PTPN5: variants seen among roughly 807,000 people sequenced by gnomAD.
PTPN5 encodes tyrosine-protein phosphatase non-receptor type 5.
In PTPN5, 29 loss-of-function variants were observed where a neutral mutation model predicts 73.9. That is an observed-to-expected ratio of 0.39 (90% confidence interval 0.29 to 0.54). The LOEUF (loss-of-function observed/expected upper bound fraction) is 0.54, where lower values mean the gene tolerates loss of function less well. Ranked by LOEUF, PTPN5 falls within the 20% of genes least tolerant of loss-of-function variation. The pLI is 0.65. For missense variants in PTPN5, 652 were observed against 751.4 expected (o/e 0.87, Z 1.55); for synonymous variants, 267 against 304.7 (o/e 0.88, Z 1.29).
At chr11:18,765,426 C>T (rs1850599160) in intron 3 of PTPN5, among the ~76,000 whole-genome samples, 1 of 152,196 alleles carries the variant, frequency 6.6e-6, no homozygotes, top group East Asian at 1.9e-4. Context: ...ATCCCCCACC[C>T]CATCCTTGGC....
rs569287589 is a variant in PTPN5, at chr11:18,743,168, G to A, written c.400-93C>T. 327 of 1,229,316 alleles carry A rather than the reference G, an allele frequency of 2.7e-4. 1 individual carries two copies. In the Middle Eastern group the frequency reaches 3.9e-3, roughly 15 times the overall value. 76.2% of individuals were successfully genotyped at this position (1,229,316 alleles called of 1,614,324 possible). On this transcript the variant is annotated intron_variant, in intron 5 of 14. Transcript: ENST00000358540. ...ACAAAACCAAGATTCTGAAAATCAC[G>A]TCCCAGGTCTGGGATGGGGAGCAGG...
intron 1 of PTPN5, among the ~76,000 whole-genome samples, chr11:18,782,117 T>A (rs1420168931): frequency 6.6e-6 from 1 of 152,240 alleles, no homozygotes; most frequent in African/African-American, 2.4e-5. Flanking sequence ...GGCCATTTTT[T>A]CTCAGGGGGA....
At position 18,742,825 on chromosome 11, in the gene PTPN5, A is replaced by G. The variant is rs1849431805; in HGVS notation, c.483+167T>C. ...AGATCACTGCAAACCAATTTTCGGA[A>G]AGAAGGAGGCTCTTGCCCCAGGCTG... On this transcript the variant is annotated intron_variant, in intron 6 of 14. Transcript: ENST00000358540. This position sits in a 1 kb window ranked among gnomAD's most constrained non-coding sequence, Gnocchi z 4.1. 6.6e-6 allele frequency among the ~76,000 whole-genome samples: 1 copy of G among 152,138 alleles called. No individual in the cohort carries two copies. The highest frequency in any genetic ancestry group is 2.1e-4 in the South Asian group (1 of 4,822).
intron 3 of PTPN5, among the ~76,000 whole-genome samples, chr11:18,756,294 CTTTT>C (rs552226983): frequency 1.8e-5 from 2 of 111,024 alleles, no homozygotes; most frequent in East Asian, 5.3e-4. Flanking sequence ...ACATCCTTCA[CTTTT>C]TTTTTTTTTT....
At chr11:18,739,231 G>A (rs959898152) in intron 8 of PTPN5, among the ~76,000 whole-genome samples, 1 of 152,176 alleles carries the variant, frequency 6.6e-6, no homozygotes, top group Non-Finnish European at 1.5e-5. Flanking sequence ...CCCCAGAGTG[G>A]GTGCTCAGGC....
chr11:18,762,165 T>G (rs1255810028), intron 3 of PTPN5, among the ~76,000 whole-genome samples: 1 of 152,022 alleles, frequency 6.6e-6, no homozygotes, highest in African/African-American at 2.4e-5. Flanking sequence ...TGTCCTGTGT[T>G]GGCTCAGATC....
rs12282184 is a variant in PTPN5 at position 18,776,856 on chromosome 11, T to C, written c.-113-4785A>G. On this transcript the variant is annotated intron_variant, in intron 1 of 14. Transcript: ENST00000358540. Reference sequence around the variant, plus strand: ...GGGGTAATGTTTGAGCATTTACAAATGGCTCATTAAAAACACCATAAAGGG... The same window carrying C: ...GGGGTAATGTTTGAGCATTTACAAACGGCTCATTAAAAACACCATAAAGGG... Among the ~76,000 whole-genome samples the C allele has an allele frequency of 7.2e-3, 1,099 of 152,192 alleles. 7 individuals are homozygous for C. The highest frequency in any genetic ancestry group is 0.026 in the African/African-American group (1,067 of 41,540).
chr11:18,742,014 G>A lies in PTPN5; in HGVS notation c.725+248C>T, dbSNP rs1481690515. Reference sequence around the variant, plus strand: ...CAAAGAAAACCACCCAAACTTACTTGAGCATGGGAGAGTGTGTGTGAACAT... The same window carrying A: ...CAAAGAAAACCACCCAAACTTACTTAAGCATGGGAGAGTGTGTGTGAACAT... On this transcript the variant is annotated intron_variant, in intron 7 of 14. Transcript: ENST00000358540. The surrounding 1 kb of genome is among the most constrained non-coding windows in gnomAD (Gnocchi z 4.1). 6.6e-6 allele frequency among the ~76,000 whole-genome samples: 1 copy of A among 152,238 alleles called. No individual in the cohort carries two copies. The highest frequency in any genetic ancestry group is 2.4e-5 in the African/African-American group (1 of 41,454).
At chr11:18,775,483 C>T (rs745984194) in intron 1 of PTPN5, among the ~76,000 whole-genome samples, 1 of 152,210 alleles carries the variant, frequency 6.6e-6, no homozygotes, top group African/African-American at 2.4e-5. Flanking sequence ...CCCAGAAGAA[C>T]GACTGGAAGT....
At chr11:18,765,977 C>T (rs537968305) in intron 2 of PTPN5, 94 bp from the exon 3 acceptor site, 300 of 927,092 alleles carry the variant, frequency 3.2e-4, no homozygotes, top group Middle Eastern at 2.1e-3. Context: ...CTCCTGTATT[C>T]TGTATCCCTT....
chr11:18,738,884 A>G (rs1453660607), intron 8 of PTPN5, among the ~76,000 whole-genome samples: 1 of 151,680 alleles, frequency 6.6e-6, no homozygotes, highest in African/African-American at 2.4e-5. Flanking sequence ...AGGCAGGAGA[A>G]TCGCTTGGAA....
rs949174810 is a variant in PTPN5 at position 18,738,642 on chromosome 11, C to T, written c.916-678G>A. 4.6e-5 allele frequency among the ~76,000 whole-genome samples: 7 copies of T among 152,264 alleles called. 1 individual carries two copies. The East Asian group carries it at 9.6e-4, about 21-fold the overall frequency. ...TTCTGCCTCCTGAGGGCGCTGGTCT[C>T]CCCTACCCCCATCTCTCCAAGTTGT... On this transcript the variant is annotated intron_variant, in intron 8 of 14. Coordinates refer to ENST00000358540, the MANE Select transcript of PTPN5 (RefSeq NM_006906.2).
At chr11:18,777,157 T>C (rs536817459) in intron 1 of PTPN5, among the ~76,000 whole-genome samples, 3 of 145,128 alleles carry the variant, frequency 2.1e-5, no homozygotes, top group Admixed American at 6.8e-5. Context: ...TGAGACTCCA[T>C]CTCAAAACAA....
At chr11:18,791,427 G>A (rs953411665) in intron 1 of PTPN5, 98 bp downstream of exon 1, 14 of 152,328 alleles carry the variant, frequency 9.2e-5, no homozygotes, top group Admixed American at 3.3e-4. Context: ...CGGGAGGGCT[G>A]GAGAAGGTGT....
intron 3 of PTPN5, among the ~76,000 whole-genome samples, chr11:18,750,076 C>G (rs1849817666): frequency 6.6e-6 from 1 of 152,198 alleles, no homozygotes; most frequent in Admixed American, 6.5e-5. Flanking sequence ...ATTAATTTCT[C>G]AGATGGAGAA....
chr11:18,737,107 G>T (rs552478960), intron 9 of PTPN5, among the ~76,000 whole-genome samples: 2 of 152,332 alleles, frequency 1.3e-5, no homozygotes, highest in African/African-American at 4.8e-5. Context: ...GGTTTATGGG[G>T]ATTCACTTTC....
chr11:18,785,111 C>T (rs1163164665), intron 1 of PTPN5, among the ~76,000 whole-genome samples: 1 of 152,128 alleles, frequency 6.6e-6, no homozygotes, highest in African/African-American at 2.4e-5. Context: ...CCTCAGCCTC[C>T]CAAAGTGCTG....
intron 3 of PTPN5, among the ~76,000 whole-genome samples, chr11:18,755,806 C>T (rs1850105486): frequency 6.6e-6 from 1 of 151,976 alleles, no homozygotes; most frequent in Non-Finnish European, 1.5e-5. Context: ...GAGTTCGAGA[C>T]CAGCCTGGCC....
rs193137090 is a variant in PTPN5, at chr11:18,757,878, C to T, written c.97+7929G>A. 3.9e-5 allele frequency among the ~76,000 whole-genome samples: 6 copies of T among 152,340 alleles called. No homozygotes were observed. The East Asian group carries it at 9.6e-4, about 24-fold the overall frequency. The stretch of plus-strand genomic sequence containing the variant: ...TATCAGCTTGCTTTCGAACAGTTAG[C>T]TATCTAGACATAACATATACAGCCT... On this transcript the variant is annotated intron_variant, in intron 3 of 14. Coordinates refer to ENST00000358540, the MANE Select transcript of PTPN5 (RefSeq NM_006906.2).
Sources: gnomAD v4.1 joint callset for allele counts (sites outside exome capture counted in the v4.1 genomes callset) on GRCh38, gnomAD v4.1.1 for gene constraint, Gnocchi (gnomAD v3.1) non-coding constraint, MANE v1.5 for transcripts, NCBI Gene and HGNC (gene_info 2026-07-23, HGNC 2026-07-21) for gene names.